The following LUC7L variants were observed in gnomAD, a reference collection of about 807,000 sequenced individuals.
LUC7L encodes the protein putative RNA-binding protein Luc7-like 1.
In LUC7L, 29 loss-of-function variants were observed where a neutral mutation model predicts 51.1. The observed-to-expected ratio is 0.57, with a 90% confidence interval of 0.42 to 0.77. LUC7L has a LOEUF of 0.77. Among genes scored for constraint, LUC7L ranks in the 30% least tolerant of loss-of-function variants. LUC7L has a pLI of 0.00. For missense variants in LUC7L, 403 were observed against 511.9 expected (o/e 0.79, Z 2.05); for synonymous variants, 181 against 180.7 (o/e 1.00, Z -0.01).
chr16:189,823 C>A, intron 9 of LUC7L, 145 bp downstream of exon 9: 1 of 1,445,804 alleles, frequency 6.9e-7, no homozygotes, highest in East Asian at 2.5e-5. Context: ...TCTTCCCACA[C>A]CTGAGTCCCG....
rs150007320 is a variant in LUC7L at position 189,250 on chromosome 16, T to C, written c.1064A>G (p.Asn355Ser). The change falls in exon 10 of 10, where the codon AAC becomes AGC. Residue 355 changes from asparagine to serine, a missense_variant. Around this residue, in one of 3 missense-constraint regions of LUC7L, gnomAD observed 206 missense variants for 218.3 expected, o/e 0.94. Coordinates refer to ENST00000293872, the MANE Select transcript of LUC7L (RefSeq NM_201412.3). ...TGACCTCCGTGAAGCCATCTTCCCG[T>C]TGGAGCTCTCAAGCCTCCAGTCCGG... is the stretch of plus-strand genomic sequence containing the variant. ...GPPDWRLESS[N>S]GKMASRRSEE... The C allele has an allele frequency of 2.9e-5, 47 of 1,613,908 alleles. No homozygotes were observed. Among genetic ancestry groups the C allele is most frequent in the Non-Finnish European group, 3.8e-5 (45 of 1,180,002 alleles).
chr16:220,819 G>T, intron 2 of LUC7L, 72 bp from the exon 3 acceptor site: 3 of 909,004 alleles, frequency 3.3e-6, no homozygotes, highest in Non-Finnish European at 5.4e-6. Context: ...GCGACTTGGT[G>T]TTTCAACTGT....
intron 1 of LUC7L, chr16:227,920 T>C (rs1057154381): frequency 4.0e-6 from 4 of 1,003,102 alleles, no homozygotes; most frequent in African/African-American, 1.7e-5. Context: ...AACAAGACAA[T>C]ACCAAAAAAA....
chr16:204,669 C>T (rs756592297), intron 5 of LUC7L, among the ~76,000 whole-genome samples: 5 of 151,968 alleles, frequency 3.3e-5, no homozygotes, highest in African/African-American at 4.8e-5. Flanking sequence ...GTACTGATCA[C>T]TTCTGTACGT....
At chr16:218,854 G>A (rs1251880700) in intron 3 of LUC7L, among the ~76,000 whole-genome samples, 2 of 148,148 alleles carry the variant, frequency 1.3e-5, no homozygotes, top group Non-Finnish European at 3.0e-5. Context: ...CCAGTGAGAG[G>A]CCAAGGTGGC....
rs139844176 is a variant in LUC7L at position 226,755 on chromosome 16, T to A, written c.156+487A>T. On this transcript the variant is annotated intron_variant, in intron 2 of 9. Transcript: ENST00000293872. ...TACAGCCAAATTAGAATACTTGCCC[T>A]ATTTAGTTGTGAATATCTCAGTATA... is the stretch of plus-strand genomic sequence containing the variant. 3.3e-3 allele frequency among the ~76,000 whole-genome samples: 497 copies of A among 152,354 alleles called. 1 individual carries two copies. The highest frequency in any genetic ancestry group is 0.011 in the African/African-American group (467 of 41,574).
In LUC7L at chr16:229,376, C is replaced by T. The variant is rs1193410969; in HGVS notation, c.-37G>A. ...GAGGCGACGGGGTCGGCCGCGACGA[C>T]TTCTCTCAGGCAGGCGGTGGCAGCG... On this transcript the variant is annotated 5_prime_UTR_variant, in exon 1 of 10. Coordinates refer to ENST00000293872, the MANE Select transcript of LUC7L (RefSeq NM_201412.3). 3 of 1,483,064 alleles carry T rather than the reference C, an allele frequency of 2.0e-6. No individual in the cohort carries two copies. Among genetic ancestry groups the T allele is most frequent in the Non-Finnish European group, 9.0e-7 (1 of 1,115,614 alleles). 91.9% of individuals were successfully genotyped at this position (1,483,064 alleles called of 1,614,324 possible). A position where few individuals can be genotyped will look rare whatever the true frequency, so the allele number is the denominator to read the frequency against.
chr16:220,073 A>G (rs1439328669), intron 3 of LUC7L: 1 of 152,246 alleles, frequency 6.6e-6, no homozygotes, highest in Non-Finnish European at 1.5e-5. Flanking sequence ...CAACATTACA[A>G]AATTGTCTTG....
At chr16:218,299 C>G (rs768434967) in intron 3 of LUC7L, among the ~76,000 whole-genome samples, 1 of 152,180 alleles carries the variant, frequency 6.6e-6, no homozygotes, top group Non-Finnish European at 1.5e-5. Context: ...CTCCCTCATC[C>G]CATGCTCAGT....
chr16:193,806 CT>C (rs35000773), intron 6 of LUC7L, among the ~76,000 whole-genome samples: 87 of 139,690 alleles, frequency 6.2e-4, no homozygotes, highest in East Asian at 1.5e-3. Flanking sequence ...TTTACATTTA[CT>C]TTTTTTTTTT....
chr16:194,092 C>G (rs1236672775), intron 6 of LUC7L, among the ~76,000 whole-genome samples: 2 of 151,664 alleles, frequency 1.3e-5, no homozygotes, highest in East Asian at 3.9e-4. Flanking sequence ...CATGAGCCAC[C>G]GCGCTTGGCC....
chr16:218,737 G>A (rs529933324), intron 3 of LUC7L, among the ~76,000 whole-genome samples: 2 of 151,326 alleles, frequency 1.3e-5, no homozygotes, highest in South Asian at 4.2e-4. Context: ...ACAGAAAAAA[G>A]AATCTTAAAA....
intron 2 of LUC7L, among the ~76,000 whole-genome samples, chr16:225,778 C>A (rs1356162329): frequency 6.6e-6 from 1 of 151,422 alleles, no homozygotes; most frequent in African/African-American, 2.4e-5. Flanking sequence ...AGCCACCGCA[C>A]CCAGCCTGAA....
chr16:192,456 C>A (rs571973294), intron 7 of LUC7L, among the ~76,000 whole-genome samples: 66 of 151,402 alleles, frequency 4.4e-4, no homozygotes, highest in African/African-American at 1.5e-3. Context: ...CAGTCCTGCG[C>A]TGGGACGTGT....
intron 5 of LUC7L, among the ~76,000 whole-genome samples, chr16:200,783 G>C (rs1015458685): frequency 6.6e-6 from 1 of 151,648 alleles, no homozygotes; most frequent in Non-Finnish European, 1.5e-5. Flanking sequence ...TCAAGAGACT[G>C]ATTCGAGAGG....
intron 7 of LUC7L, 57 bp downstream of exon 7, chr16:192,870 C>T (rs770669679): frequency 2.9e-5 from 41 of 1,432,488 alleles, no homozygotes; most frequent in African/African-American, 4.2e-5. Context: ...TGGAATGGAC[C>T]GAGCAGGGAA....
chr16:212,760 T>C (rs1447854312), intron 3 of LUC7L, among the ~76,000 whole-genome samples: 3 of 152,070 alleles, frequency 2.0e-5, no homozygotes, highest in African/African-American at 4.8e-5. Flanking sequence ...ATTTTCAACA[T>C]GTGAACACTA....
At chr16:201,171 A>G (rs2049313332) in intron 5 of LUC7L, among the ~76,000 whole-genome samples, 2 of 9,174 alleles carry the variant, frequency 2.2e-4, no homozygotes, top group Non-Finnish European at 4.3e-4. Context: ...TCTGTCTGAG[A>G]AAAAAAAAAA....
rs925360660 is a variant in LUC7L at position 227,143 on chromosome 16, G to C, written c.156+99C>G. Reference sequence around the variant, plus strand: ...CATAATTAAGCCACTTAGAGAAAAAGAGACTTAAGTTAAAACAAAATTCAA... The same window carrying C: ...CATAATTAAGCCACTTAGAGAAAAACAGACTTAAGTTAAAACAAAATTCAA... On this transcript the variant is annotated intron_variant, in intron 2 of 9. Coordinates refer to ENST00000293872, the MANE Select transcript of LUC7L (RefSeq NM_201412.3). The C allele has an allele frequency of 5.5e-6, 5 of 912,810 alleles. No individual in the cohort carries two copies. The African/African-American group carries it at 8.4e-5, about 15-fold the overall frequency. 56.5% of individuals were successfully genotyped at this position (912,810 alleles called of 1,614,324 possible). A position where few individuals can be genotyped will look rare whatever the true frequency, so the allele number is the denominator to read the frequency against.
Sources: gnomAD v4.1 joint callset for allele counts (sites outside exome capture counted in the v4.1 genomes callset) on GRCh38, gnomAD v4.1.1 for gene constraint, gnomAD v4.1.1 regional missense constraint, MANE v1.5 for transcripts, NCBI Gene and HGNC (gene_info 2026-07-23, HGNC 2026-07-21) for gene names.